LHFPL3: variants seen among roughly 807,000 people sequenced by gnomAD.
LHFPL3 encodes the protein LHFPL tetraspan subfamily member 3.
Under a neutral mutation model 19.3 loss-of-function variants are expected in LHFPL3, and 5 were observed. That is an observed-to-expected ratio of 0.26 (90% CI 0.14 to 0.54). The LOEUF (loss-of-function observed/expected upper bound fraction) is 0.54. LHFPL3 is among the 20% of genes least tolerant of loss of function. The probability of loss-of-function intolerance (pLI) is 0.94; values close to 1 mark genes in which losing one functional copy is unlikely to be tolerated. For synonymous variants in LHFPL3, 133 were observed against 126.2 expected (o/e 1.05, Z -0.36); for missense variants, 249 against 307.4 (o/e 0.81, Z 1.42).
intron 1 of LHFPL3, among the ~76,000 whole-genome samples, chr7:104,422,761 G>T (rs1403327121): frequency 6.6e-6 from 1 of 152,170 alleles, no homozygotes; most frequent in African/African-American, 2.4e-5. Flanking sequence ...AAGATTCACA[G>T]ACTGGAAACT....
chr7:104,461,350 C>T (rs1792659191), intron 1 of LHFPL3, among the ~76,000 whole-genome samples: 1 of 152,058 alleles, frequency 6.6e-6, no homozygotes, highest in Non-Finnish European at 1.5e-5. Flanking sequence ...CACAGCCAAA[C>T]CATATCATCC....
rs190204356 is a variant in LHFPL3 at position 104,592,535 on chromosome 7, G to A, written c.446-144140G>A. Among the ~76,000 whole-genome samples, 3 of 152,302 alleles carry A rather than the reference G, an allele frequency of 2.0e-5. No individual in the cohort carries two copies. In the East Asian group the frequency reaches 5.8e-4, roughly 29 times the overall value. On this transcript the variant is annotated intron_variant, in intron 1 of 2. Transcript: ENST00000424859. ...GGCCCCTACTGGGAAGTATCTCCCA[G>A]TTAGGCCACTGGGGGATCAGGGACC...
chr7:104,358,237 C>T (rs758845672), intron 1 of LHFPL3, among the ~76,000 whole-genome samples: 3 of 152,014 alleles, frequency 2.0e-5, no homozygotes, highest in Admixed American at 6.6e-5. Context: ...GTAGTATGGC[C>T]GTACAATATT....
intron 2 of LHFPL3, among the ~76,000 whole-genome samples, chr7:104,755,018 T>A (rs925409090): frequency 6.6e-6 from 1 of 152,200 alleles, no homozygotes; most frequent in Non-Finnish European, 1.5e-5. Flanking sequence ...AGTGGGTCCA[T>A]TGACTATTTC....
At chr7:104,829,751 T>G (rs1254037750) in intron 2 of LHFPL3, among the ~76,000 whole-genome samples, 1 of 152,012 alleles carries the variant, frequency 6.6e-6, no homozygotes, top group Non-Finnish European at 1.5e-5. Context: ...TTGGGTTGGT[T>G]CCAAGTCTTT....
chr7:104,391,455 T>A (rs1791067018), intron 1 of LHFPL3, among the ~76,000 whole-genome samples: 1 of 152,188 alleles, frequency 6.6e-6, no homozygotes, highest in Non-Finnish European at 1.5e-5. Flanking sequence ...CTTTCCCCAT[T>A]GCTTGTTTTT....
intron 1 of LHFPL3, among the ~76,000 whole-genome samples, chr7:104,482,030 C>T (rs1182392222): frequency 6.6e-6 from 1 of 152,190 alleles, no homozygotes; most frequent in Non-Finnish European, 1.5e-5. Flanking sequence ...CCCTTATTGG[C>T]TTGCCTTAGT....
intron 1 of LHFPL3, among the ~76,000 whole-genome samples, chr7:104,656,892 G>A (rs4268058): frequency 0.67 from 102,145 of 152,182 alleles, 35,517 homozygotes; most frequent in South Asian, 0.89. Flanking sequence ...GTGGTGTATA[G>A]CACTTTCCTT....
intron 1 of LHFPL3, among the ~76,000 whole-genome samples, chr7:104,446,988 C>G (rs908160617): frequency 3.9e-5 from 6 of 152,172 alleles, no homozygotes; most frequent in Non-Finnish European, 7.3e-5. Flanking sequence ...CTGATTTACT[C>G]ATACTAATAA....
chr7:104,600,067 C>T (rs1790934181), intron 1 of LHFPL3, among the ~76,000 whole-genome samples: 1 of 152,178 alleles, frequency 6.6e-6, no homozygotes, highest in Non-Finnish European at 1.5e-5. Flanking sequence ...GGCCTGCTGT[C>T]TGTGTACAGA....
At chr7:104,788,290 A>T (rs533179809) in intron 2 of LHFPL3, among the ~76,000 whole-genome samples, 8 of 152,172 alleles carry the variant, frequency 5.3e-5, no homozygotes, top group Non-Finnish European at 4.4e-5. Flanking sequence ...GTATCCAGGG[A>T]TCTGAAATGG....
chr7:104,345,549 A>G (rs528772901), intron 1 of LHFPL3, among the ~76,000 whole-genome samples: 3 of 152,334 alleles, frequency 2.0e-5, no homozygotes, highest in Middle Eastern at 3.4e-3. Flanking sequence ...ATTGCCTGCA[A>G]CCATTATAAG....
At chr7:104,882,254 T>C (rs186069919) in intron 2 of LHFPL3, among the ~76,000 whole-genome samples, 13 of 152,240 alleles carry the variant, frequency 8.5e-5, no homozygotes, top group Admixed American at 7.2e-4. Flanking sequence ...TATTTACTTA[T>C]TTATTTATTT....
At position 104,635,028 on chromosome 7, in the gene LHFPL3, A is replaced by G. The variant is rs528524169; in HGVS notation, c.446-101647A>G. Among the ~76,000 whole-genome samples, 18 of 152,322 alleles carry G rather than the reference A, an allele frequency of 1.2e-4. No homozygotes were observed. The South Asian group carries it at 3.3e-3, about 28-fold the overall frequency. ...AGAAAAGTAAAAGAAATATGAAACA[A>G]GAATAAAATGTTATGTATATTTTTT... On this transcript the variant is annotated intron_variant, in intron 1 of 2. Transcript: ENST00000424859.
intron 1 of LHFPL3, among the ~76,000 whole-genome samples, chr7:104,467,114 A>G (rs897911715): frequency 5.9e-5 from 9 of 152,186 alleles, no homozygotes; most frequent in African/African-American, 1.9e-4. Flanking sequence ...ATGAAGTTCA[A>G]TAGCACCTAC....
chr7:104,678,275 T>G (rs918240497), intron 1 of LHFPL3, among the ~76,000 whole-genome samples: 5 of 152,204 alleles, frequency 3.3e-5, no homozygotes, highest in Non-Finnish European at 7.3e-5. Context: ...GAGAGAATTC[T>G]GGGCAGGTTT....
chr7:104,478,946 T>C (rs1042142118), intron 1 of LHFPL3, among the ~76,000 whole-genome samples: 2 of 152,178 alleles, frequency 1.3e-5, no homozygotes. Context: ...CTTTAAGAGT[T>C]GTGCAGAACA....
chr7:104,601,927 A>C (rs1249094008), intron 1 of LHFPL3, among the ~76,000 whole-genome samples: 2 of 152,092 alleles, frequency 1.3e-5, no homozygotes, highest in African/African-American at 4.8e-5. Context: ...AGAGCCCCTG[A>C]ATCACATGAC....
Position 104,689,263 on chromosome 7 carries a change from C to T in LHFPL3, c.446-47412C>T, listed in dbSNP as rs186099371. Among the ~76,000 whole-genome samples the T allele has an allele frequency of 1.1e-3, 162 of 152,252 alleles. 1 individual carries two copies. The highest frequency in any genetic ancestry group is 1.8e-3 in the Non-Finnish European group (120 of 68,018). On this transcript the variant is annotated intron_variant, in intron 1 of 2. Transcript: ENST00000424859. ...GCAGTGTCCAAGTAGTGGCACTCAA[C>T]TGTCAAAGGCAAGGTGGGTGTAGTT...
Sources: gnomAD v4.1 joint callset for allele counts (sites outside exome capture counted in the v4.1 genomes callset) on GRCh38, gnomAD v4.1.1 for gene constraint, MANE v1.5 for transcripts, NCBI Gene and HGNC (gene_info 2026-07-23, HGNC 2026-07-21) for gene names.